MCC: variants seen among roughly 807,000 people sequenced by gnomAD.
MCC encodes MCC regulator of Wnt signaling pathway, also known as colorectal mutant cancer protein.
Under a neutral mutation model 116.2 loss-of-function variants are expected in MCC, and 90 were observed. The ratio of observed to expected loss-of-function variants is 0.77; its 90% confidence interval spans 0.65 to 0.92. MCC has a LOEUF of 0.92. Among genes scored for constraint, MCC ranks in the 40% least tolerant of loss-of-function variants. MCC has a pLI of 0.00. For synonymous variants in MCC, 578 were observed against 510.5 expected (o/e 1.13, Z -1.78); for missense variants, 1,516 against 1,312.2 (o/e 1.16, Z -2.40).
At chr5:113,178,105 G>T (rs1259887088) in intron 3 of MCC, among the ~76,000 whole-genome samples, 2 of 152,198 alleles carry the variant, frequency 1.3e-5, no homozygotes, top group South Asian at 4.1e-4. Flanking sequence ...GCAGGAAAGT[G>T]GGGTATGAGT....
At chr5:113,440,791 GAAGAAA>G (rs1337156863) in intron 1 of MCC, among the ~76,000 whole-genome samples, 2 of 152,106 alleles carry the variant, frequency 1.3e-5, no homozygotes, top group African/African-American at 4.8e-5. Flanking sequence ...AGGAAAAAGA[GAAGAAA>G]AAGAAAGAAA....
At chr5:113,381,246 A>G (rs1461744342) in intron 2 of MCC, among the ~76,000 whole-genome samples, 1 of 152,204 alleles carries the variant, frequency 6.6e-6, no homozygotes, top group East Asian at 1.9e-4. Context: ...ATGAACAGAA[A>G]TATTTCCAAG....
In MCC at chr5:113,023,801, C is replaced by CTA. The variant is rs1241772747; in HGVS notation, c.*3499_*3500dup. The stretch of plus-strand genomic sequence containing the variant: ...GCTTGATAATCGAAACTCTTGAGAG[C>CTA]TATTAAGGTTGACTGATAGACTTAA... On this transcript the variant is annotated 3_prime_UTR_variant, in exon 19 of 19. Transcript: ENST00000408903. The CTA allele has an allele frequency of 9.2e-5, 14 of 152,108 alleles. No homozygotes were observed. Among genetic ancestry groups the CTA allele is most frequent in the Admixed American group, 8.5e-4 (13 of 15,262 alleles). 9.4% of individuals were successfully genotyped at this position (152,108 alleles called of 1,614,324 possible). A position where few individuals can be genotyped will look rare whatever the true frequency, so the allele number is the denominator to read the frequency against.
At chr5:113,166,752 G>C (rs186899622) in intron 3 of MCC, among the ~76,000 whole-genome samples, 18 of 148,000 alleles carry the variant, frequency 1.2e-4, no homozygotes, top group Admixed American at 5.4e-4. Flanking sequence ...ACAAAGCTTA[G>C]TTTTGGGCTC....
In MCC at chr5:113,053,781, T is replaced by A. The variant is rs1752636595; in HGVS notation, c.2392A>T (p.Ser798Cys). Reference sequence around the variant, plus strand: ...GCGTTTTCCAGATCCAGCCTCTGGCTGTCTCCCCGAGGCTTGACGTCATAG... The same window carrying A: ...GCGTTTTCCAGATCCAGCCTCTGGCAGTCTCCCCGAGGCTTGACGTCATAG... ...LSYDVKPRGDSQRLDLENAVL... is the reference protein window; with the variant it reads ...LSYDVKPRGDCQRLDLENAVL... Residue 798 changes from serine to cysteine, a missense_variant, in exon 15 of 19, where the codon AGC (serine) becomes TGC (cysteine). Physicochemically the swap from Ser to Cys is moderately radical, Grantham distance 112. Transcript: ENST00000408903. 1.9e-6 allele frequency: 3 copies of A among 1,613,974 alleles called. No individual in the cohort carries two copies. The highest frequency in any genetic ancestry group is 1.7e-6 in the Non-Finnish European group (2 of 1,179,828).
Position 113,253,410 on chromosome 5 carries a change from A to G in MCC, c.627+87109T>C, listed in dbSNP as rs146143622. Among the ~76,000 whole-genome samples, 28 of 152,308 alleles carry G rather than the reference A, an allele frequency of 1.8e-4. No individual in the cohort carries two copies. The East Asian group carries it at 3.9e-3, about 21-fold the overall frequency. ...AAGTGATCTGCCAGGAGGGACTTGC[A>G]GACCCTGGTGGGGATCTCTCCTCTG... On this transcript the variant is annotated intron_variant, in intron 3 of 18. Coordinates refer to ENST00000408903, the MANE Select transcript of MCC (RefSeq NM_001085377.2).
In MCC at chr5:113,106,925, AT is replaced by A. The variant is rs563428860; in HGVS notation, c.1028-2571del. The stretch of plus-strand genomic sequence containing the variant: ...CAACAAGCTCTTCCCTATCTAAAGC[AT>A]GGAGTTTCACCTCCTCCCTTACCCA... On this transcript the variant is annotated intron_variant, in intron 6 of 18. Transcript: ENST00000408903. Among the ~76,000 whole-genome samples, 264 of 152,294 alleles carry A rather than the reference AT, an allele frequency of 1.7e-3. 1 individual carries two copies. The highest frequency in any genetic ancestry group is 6.1e-3 in the African/African-American group (255 of 41,580).
chr5:113,252,777 C>G (rs1026333312), intron 3 of MCC, among the ~76,000 whole-genome samples: 7 of 147,868 alleles, frequency 4.7e-5, no homozygotes, highest in Middle Eastern at 3.2e-3. Context: ...CTATGGCACC[C>G]CCAGACTCCA....
chr5:113,120,310 C>T lies in MCC; in HGVS notation c.1027+2374G>A, dbSNP rs983311489. On this transcript the variant is annotated intron_variant, in intron 6 of 18. Transcript: ENST00000408903. Reference sequence around the variant, plus strand: ...TTGCAGGGAGTTGTGTGTATTGTAACATAAAGCCCGGGGACTGGGTTCAGT... The same window carrying T: ...TTGCAGGGAGTTGTGTGTATTGTAATATAAAGCCCGGGGACTGGGTTCAGT... Among the ~76,000 whole-genome samples the T allele has an allele frequency of 5.9e-5, 9 of 152,296 alleles. No individual in the cohort carries two copies. The South Asian group carries it at 1.7e-3, about 28-fold the overall frequency.
intron 3 of MCC, among the ~76,000 whole-genome samples, chr5:113,193,129 T>C (rs1436462691): frequency 6.6e-6 from 1 of 152,174 alleles, no homozygotes; most frequent in East Asian, 1.9e-4. Context: ...CACAGAATCT[T>C]CCAGTCTCTC....
chr5:113,351,834 A>C (rs536930687), intron 2 of MCC, among the ~76,000 whole-genome samples: 1 of 152,266 alleles, frequency 6.6e-6, no homozygotes, highest in East Asian at 1.9e-4. Context: ...AAATGTACCC[A>C]CAATATTTTT....
chr5:113,377,180 C>G (rs566813871), intron 2 of MCC, among the ~76,000 whole-genome samples: 1 of 152,290 alleles, frequency 6.6e-6, no homozygotes, highest in African/African-American at 2.4e-5. Flanking sequence ...TGCATTCTCT[C>G]TCACCACCTC....
At chr5:113,421,202 T>G (rs113162962) in intron 1 of MCC, among the ~76,000 whole-genome samples, 17,698 of 151,988 alleles carry the variant, frequency 0.12, 1,811 homozygotes, top group African/African-American at 0.28. Context: ...TTTTTGTATT[T>G]TTTAGTAGAA....
intron 1 of MCC, among the ~76,000 whole-genome samples, chr5:113,486,048 C>T (rs1772515790): frequency 6.6e-6 from 1 of 152,260 alleles, no homozygotes; most frequent in East Asian, 1.9e-4. Flanking sequence ...CTTCATTAGC[C>T]CCATTCCCCA....
At chr5:113,417,480 A>G (rs1373843309) in intron 1 of MCC, among the ~76,000 whole-genome samples, 2 of 152,234 alleles carry the variant, frequency 1.3e-5, no homozygotes, top group African/African-American at 4.8e-5. Context: ...CCTGTGCACC[A>G]GTGCAGCAAA....
intron 1 of MCC, among the ~76,000 whole-genome samples, chr5:113,465,931 A>C (rs1267829547): frequency 6.6e-6 from 1 of 151,774 alleles, no homozygotes; most frequent in East Asian, 1.9e-4. Flanking sequence ...TTAGGAATAC[A>C]TTAACCCACA....
At chr5:113,196,712 G>T (rs1159180945) in intron 3 of MCC, among the ~76,000 whole-genome samples, 5 of 152,178 alleles carry the variant, frequency 3.3e-5, no homozygotes, top group Non-Finnish European at 5.9e-5. Context: ...AGCCGAGCGT[G>T]GTGGCACATG....
intron 1 of MCC, chr5:113,436,789 T>A (rs1472408470): frequency 6.6e-6 from 1 of 152,212 alleles, no homozygotes; most frequent in Non-Finnish European, 1.5e-5. Flanking sequence ...TACAACCTCT[T>A]ACCCCAGAGA....
chr5:113,478,501 G>T (rs1241515071), intron 1 of MCC, among the ~76,000 whole-genome samples: 2 of 152,198 alleles, frequency 1.3e-5, no homozygotes, highest in Admixed American at 6.5e-5. Context: ...TCTAGCAAGG[G>T]AGTAGCCATT....
Sources: gnomAD v4.1 joint callset for allele counts (sites outside exome capture counted in the v4.1 genomes callset) on GRCh38, gnomAD v4.1.1 for gene constraint, MANE v1.5 for transcripts, NCBI Gene and HGNC (gene_info 2026-07-23, HGNC 2026-07-21) for gene names.